The following IGSF10 variants were observed in gnomAD, a reference collection of about 807,000 sequenced individuals.
IGSF10 encodes the protein immunoglobulin superfamily member 10.
A neutral mutation model predicts 128.2 loss-of-function variants in IGSF10; 126 were observed. The ratio of observed to expected loss-of-function variants is 0.98; its 90% confidence interval spans 0.85 to 1.14. IGSF10 has a LOEUF of 1.14. Among genes scored for constraint, IGSF10 ranks in the 50% most tolerant of loss-of-function variants. IGSF10 has a pLI of 0.00. For missense variants in IGSF10, 3,295 were observed against 3,149.8 expected, an observed-to-expected ratio of 1.05 and a Z score of -1.10; for synonymous variants, 1,185 against 1,146.2, an observed-to-expected ratio of 1.03 and a Z score of -0.68.
chr3:151,544,848 TCTCTC>T, the IGSF10 span, among the ~76,000 whole-genome samples: 2 of 152,104 alleles, frequency 1.3e-5, no homozygotes, highest in Non-Finnish European at 2.9e-5. Flanking sequence ...TGATGATTCT[TCTCTC>T]CTTTGTTTTC....
the IGSF10 span, among the ~76,000 whole-genome samples, chr3:151,585,761 C>A: frequency 1.3e-5 from 2 of 151,968 alleles, no homozygotes; most frequent in African/African-American, 4.8e-5. Flanking sequence ...TACTTCCATG[C>A]ATGTGGAAGA....
the IGSF10 span, among the ~76,000 whole-genome samples, chr3:151,567,924 T>C: frequency 1.8e-3 from 274 of 152,298 alleles, 1 homozygote; most frequent in African/African-American, 6.3e-3. Context: ...GAACTGTGAG[T>C]GCAAACACCT....
upstream of IGSF10, among the ~76,000 whole-genome samples, chr3:151,464,878 A>G (rs985075450): frequency 3.9e-5 from 6 of 152,348 alleles, no homozygotes; most frequent in African/African-American, 1.4e-4. Context: ...CTTCCAATAC[A>G]GTTGCAACTC....
the IGSF10 span, among the ~76,000 whole-genome samples, chr3:151,480,917 ATG>A: frequency 1.3e-5 from 2 of 152,074 alleles, no homozygotes; most frequent in Non-Finnish European, 2.9e-5. Flanking sequence ...CACTGGAGAA[ATG>A]TGTCTTCAGC....
the IGSF10 span, among the ~76,000 whole-genome samples, chr3:151,505,795 A>C: frequency 6.6e-6 from 1 of 152,260 alleles, no homozygotes; most frequent in Non-Finnish European, 1.5e-5. Flanking sequence ...ATAAAAGGCA[A>C]ATAAAATGAT....
In IGSF10 at chr3:151,436,393, T is replaced by G; in HGVS notation, c.*296A>C. 4.2e-6 allele frequency: 1 copy of G among 238,720 alleles called. No homozygotes were observed. Among genetic ancestry groups the G allele is most frequent in the Non-Finnish European group, 8.1e-6 (1 of 123,256 alleles). The allele number at this position is 238,720 out of a possible 1,614,324, so 14.8% of individuals were successfully genotyped here. A position where few individuals can be genotyped will look rare whatever the true frequency, so the allele number is the denominator to read the frequency against. ...AGAAGTTCATTTTTTTACTGAAAAA[T>G]TCAGGTACATTAGCCATTTGTTATT... On this transcript the variant is annotated 3_prime_UTR_variant, in exon 8 of 8. Coordinates refer to ENST00000282466, the MANE Select transcript of IGSF10 (RefSeq NM_178822.5).
At chr3:151,584,586 T>C in the IGSF10 span, among the ~76,000 whole-genome samples, 23 of 152,202 alleles carry the variant, frequency 1.5e-4, no homozygotes, top group African/African-American at 5.5e-4. Flanking sequence ...ACATGATTTA[T>C]CAAAGGAGTG....
the IGSF10 span, among the ~76,000 whole-genome samples, chr3:151,517,515 G>T: frequency 2.0e-5 from 3 of 151,946 alleles, no homozygotes; most frequent in African/African-American, 7.2e-5. Context: ...AATGTCAAAT[G>T]GTCTCCCTTC....
the IGSF10 span, among the ~76,000 whole-genome samples, chr3:151,521,067 A>G: frequency 6.6e-6 from 1 of 151,942 alleles, no homozygotes; most frequent in African/African-American, 2.4e-5. Flanking sequence ...CAAAAAAATC[A>G]GGGGTTATAA....
the IGSF10 span, among the ~76,000 whole-genome samples, chr3:151,615,108 A>C: frequency 6.6e-6 from 1 of 152,032 alleles, no homozygotes; most frequent in African/African-American, 2.4e-5. Context: ...TACATTTGAA[A>C]AAATATGCAT....
At chr3:151,589,686 G>GA in the IGSF10 span, among the ~76,000 whole-genome samples, 1 of 152,062 alleles carries the variant, frequency 6.6e-6, no homozygotes, top group Non-Finnish European at 1.5e-5. Context: ...ATGCCAACTA[G>GA]AAAAAAGGGT....
the IGSF10 span, among the ~76,000 whole-genome samples, chr3:151,493,599 T>C: frequency 6.6e-6 from 1 of 152,196 alleles, no homozygotes; most frequent in Non-Finnish European, 1.5e-5. Context: ...GCTGTAATTC[T>C]ATGCTGTATT....
the IGSF10 span, among the ~76,000 whole-genome samples, chr3:151,568,018 T>C: frequency 6.6e-6 from 1 of 152,060 alleles, no homozygotes; most frequent in Admixed American, 6.6e-5. Flanking sequence ...AAACAAAGCC[T>C]CTCTCTCTGT....
the IGSF10 span, among the ~76,000 whole-genome samples, chr3:151,589,189 C>G: frequency 4.6e-5 from 7 of 152,078 alleles, no homozygotes; most frequent in African/African-American, 1.7e-4. Context: ...TTCTAGAAGC[C>G]TTGTTAGCTT....
rs34197438 is a variant in IGSF10, at chr3:151,447,129, G to T, written c.2852C>A (p.Thr951Lys). ...TCTTACAGATGTCTGATGACTATTT[G>T]TGGTATTTACTGACTCTAATAATAG... is the stretch of plus-strand genomic sequence containing the variant. ...NKLLLESVNT[T>K]NSHQTSVREV... Residue 951 changes from threonine (T) to lysine (K), a missense_variant, in exon 6 of 8, where the codon ACA becomes AAA. Physicochemically the swap from Thr to Lys is moderately conservative, Grantham distance 78. Transcript: ENST00000282466. 8.1e-3 allele frequency: 13,109 copies of T among 1,614,168 alleles called. 53 individuals carry two copies. Among genetic ancestry groups the T allele is most frequent in the Middle Eastern group, 0.011 (67 of 6,062 alleles).
chr3:151,581,804 C>T, the IGSF10 span, among the ~76,000 whole-genome samples: 1 of 152,178 alleles, frequency 6.6e-6, no homozygotes, highest in Admixed American at 6.5e-5. Flanking sequence ...GGCATGGTGG[C>T]TCAAGCCTGT....
At chr3:151,440,393 A>C (rs1199367567) in intron 7 of IGSF10, among the ~76,000 whole-genome samples, 1 of 151,284 alleles carries the variant, frequency 6.6e-6, no homozygotes, top group Admixed American at 6.6e-5. Flanking sequence ...AATATTAGAG[A>C]AAATTTTTTT....
chr3:151,465,936 G>A (rs888728200), upstream of IGSF10, among the ~76,000 whole-genome samples: 4 of 152,188 alleles, frequency 2.6e-5, no homozygotes, highest in Non-Finnish European at 5.9e-5. Context: ...GCACTGCTGA[G>A]TGTCAAACTG....
the IGSF10 span, among the ~76,000 whole-genome samples, chr3:151,535,104 A>G: frequency 6.6e-6 from 1 of 152,200 alleles, no homozygotes; most frequent in Non-Finnish European, 1.5e-5. Flanking sequence ...TGAGAGAACT[A>G]AATGAGAAAA....
Sources: gnomAD v4.1 joint callset for allele counts (sites outside exome capture counted in the v4.1 genomes callset) on GRCh38, gnomAD v4.1.1 for gene constraint, MANE v1.5 for transcripts, NCBI Gene and HGNC (gene_info 2026-07-23, HGNC 2026-07-21) for gene names.